Variants in RAB5A observed in about 807,000 individuals in gnomAD.
RAB5A encodes the protein RAB5A, member RAS oncogene family.
In RAB5A, 8 loss-of-function variants were observed where a neutral mutation model predicts 25.7. The observed-to-expected ratio is 0.31, with a 90% CI of 0.18 to 0.56. The LOEUF is 0.56. RAB5A is among the 20% of genes least tolerant of loss of function. RAB5A has a pLI of 0.91. For missense variants in RAB5A, 192 were observed against 259.7 expected (o/e 0.74, Z 1.79); for synonymous variants, 98 against 89.8 (o/e 1.09, Z -0.52).
intron 2 of RAB5A, among the ~76,000 whole-genome samples, chr3:19,973,358 AC>A (rs1696778451): frequency 6.7e-6 from 1 of 150,250 alleles, no homozygotes; most frequent in Non-Finnish European, 1.5e-5. Context: ...GAAAAATGAA[AC>A]AGTCTGTGCA....
chr3:19,984,173 G>GGAAA lies in RAB5A; in HGVS notation c.*350_*351insGAAA. 1 of 394,912 alleles carries GGAAA rather than the reference G, an allele frequency of 2.5e-6. No individual in the cohort carries two copies. Among genetic ancestry groups the GGAAA allele is most frequent in the African/African-American group, 2.2e-5 (1 of 45,820 alleles). 24.5% of individuals were successfully genotyped at this position (394,912 alleles called of 1,614,324 possible). On this transcript the variant is annotated 3_prime_UTR_variant, in exon 6 of 6. Transcript: ENST00000273047. ...CCACACTGGTACAGTAGTCACCTGT[G>GGAAA]AAAAAAAAATTGGAACTTACTAATT...
At position 19,984,569 on chromosome 3, in the gene RAB5A, T is replaced by G. The variant is rs540230533; in HGVS notation, c.*746T>G. 5 of 179,402 alleles carry G rather than the reference T, an allele frequency of 2.8e-5. No homozygotes were observed. The highest frequency in any genetic ancestry group is 9.6e-5 in the African/African-American group (4 of 41,702). 11.1% of individuals were successfully genotyped at this position (179,402 alleles called of 1,614,324 possible). A position where few individuals can be genotyped will look rare whatever the true frequency, so the allele number is the denominator to read the frequency against. ...TAAACCAGGTGTCTGTGATTTCTAA[T>G]TAATCACCGCTGGCCATTACACAGG... On this transcript the variant is annotated 3_prime_UTR_variant, in exon 6 of 6. Coordinates refer to ENST00000273047, the MANE Select transcript of RAB5A (RefSeq NM_004162.5).
intron 2 of RAB5A, among the ~76,000 whole-genome samples, chr3:19,971,933 T>G (rs1696758125): frequency 6.6e-6 from 1 of 151,882 alleles, no homozygotes; most frequent in Non-Finnish European, 1.5e-5. Flanking sequence ...TGGTTCCATG[T>G]ATCTTTTTGA....
rs775254396 is a variant in RAB5A, at chr3:19,983,866, A to G, written c.*43A>G. ...GCTGGAATAGTCTTCTGCTTCCTAA[A>G]TGTTAATAACAATGGAATTGGAGCA... On this transcript the variant is annotated 3_prime_UTR_variant, in exon 6 of 6. Coordinates refer to ENST00000273047, the MANE Select transcript of RAB5A (RefSeq NM_004162.5). 1 of 1,325,522 alleles carries G rather than the reference A, an allele frequency of 7.5e-7. No individual in the cohort carries two copies. The allele number at this position is 1,325,522 out of a possible 1,614,324, so 82.1% of individuals were successfully genotyped here.
chr3:19,976,106 C>G lies in RAB5A; in HGVS notation c.375C>G (p.Asn125Lys), dbSNP rs140005569. 394 of 1,613,172 alleles carry G rather than the reference C, an allele frequency of 2.4e-4. No homozygotes were observed. The highest frequency in any genetic ancestry group is 3.2e-4 in the Non-Finnish European group (382 of 1,179,690). The change falls in exon 4 of 6, where the codon AAC becomes AAG. Residue 125 changes from asparagine (N) to lysine (K), a missense_variant. Transcript: ENST00000273047. ...AACTTCAGAGGCAAGCAAGTCCTAACATTGTAATAGCTTTATCGGGAAACA... is the reference window on the plus strand; with the variant it reads ...AACTTCAGAGGCAAGCAAGTCCTAAGATTGTAATAGCTTTATCGGGAAACA... ...VKELQRQASP[N>K]IVIALSGNKA...
At chr3:19,952,354 A>G (rs1436374720) in intron 2 of RAB5A, among the ~76,000 whole-genome samples, 3 of 152,198 alleles carry the variant, frequency 2.0e-5, no homozygotes, top group African/African-American at 7.2e-5. Flanking sequence ...TAATTAAGCA[A>G]TGCTGTTTTC....
At chr3:19,960,708 G>T (rs1696572580) in intron 2 of RAB5A, among the ~76,000 whole-genome samples, 1 of 152,216 alleles carries the variant, frequency 6.6e-6, no homozygotes, top group African/African-American at 2.4e-5. Flanking sequence ...GAAGTCATAT[G>T]TTGGACTTTG....
intron 2 of RAB5A, among the ~76,000 whole-genome samples, chr3:19,959,446 A>T (rs1004255969): frequency 1.9e-4 from 28 of 150,334 alleles, no homozygotes; most frequent in Admixed American, 1.6e-3. Flanking sequence ...GTACTAATTT[A>T]TATATATATA....
In RAB5A at chr3:19,968,103, AT is replaced by A. The variant is rs142509602; in HGVS notation, c.164-7489del. ...CTGATTCTAACAATCTCTAACTTGAATTTTTTTTTATCACAAAGCCTCATTC... is the reference window on the plus strand; with the variant it reads ...CTGATTCTAACAATCTCTAACTTGAATTTTTTTTATCACAAAGCCTCATTC... On this transcript the variant is annotated intron_variant, in intron 2 of 5. Coordinates refer to ENST00000273047, the MANE Select transcript of RAB5A (RefSeq NM_004162.5). 4.0e-5 allele frequency among the ~76,000 whole-genome samples: 6 copies of A among 151,746 alleles called. No homozygotes were observed. In the East Asian group the frequency reaches 5.8e-4, roughly 15 times the overall value.
At position 19,947,282 on chromosome 3, in the gene RAB5A, C is replaced by CGGCGGCGGCGGCGGCGGA. The variant is rs1696319630; in HGVS notation, c.-328_-327insCGGCGGCGGCGGAGGCGG. 2 of 199,570 alleles carry CGGCGGCGGCGGCGGCGGA rather than the reference C, an allele frequency of 1.0e-5. No individual in the cohort carries two copies. The highest frequency in any genetic ancestry group is 2.0e-5 in the Non-Finnish European group (2 of 102,348). 12.4% of individuals were successfully genotyped at this position (199,570 alleles called of 1,614,324 possible). ...ACTCCAGCGCCGGCGGCGGCGGCGG[C>CGGCGGCGGCGGCGGCGGA]GGCGGAGGAGGAGAAAGGAAAGAGG... is the stretch of plus-strand genomic sequence containing the variant. On this transcript the variant is annotated 5_prime_UTR_variant, in exon 1 of 6. Transcript: ENST00000273047.
At chr3:19,978,446 C>A in intron 5 of RAB5A, 43 bp downstream of exon 5, 1 of 1,423,720 alleles carries the variant, frequency 7.0e-7, no homozygotes, top group Non-Finnish European at 9.8e-7. Context: ...ATAAGCAAAA[C>A]AAGTGTGAAG....
At chr3:19,981,266 TCTTAA>T (rs746510815) in intron 5 of RAB5A, among the ~76,000 whole-genome samples, 5 of 152,276 alleles carry the variant, frequency 3.3e-5, no homozygotes, top group South Asian at 2.1e-4. Flanking sequence ...TTTAGTACAT[TCTTAA>T]CTTACTACGG....
At chr3:19,973,125 C>T (rs566582015) in intron 2 of RAB5A, among the ~76,000 whole-genome samples, 3 of 152,276 alleles carry the variant, frequency 2.0e-5, no homozygotes, top group East Asian at 1.9e-4. Context: ...AGGTTATATA[C>T]ACATACTTTG....
chr3:19,951,315 T>C (rs1313954212), intron 2 of RAB5A: 2 of 354,338 alleles, frequency 5.6e-6, no homozygotes, highest in African/African-American at 2.1e-5. Context: ...GTAGAATCAG[T>C]GTCTCAAGTA....
intron 2 of RAB5A, among the ~76,000 whole-genome samples, chr3:19,968,212 C>A (rs1696687448): frequency 6.6e-6 from 1 of 151,976 alleles, no homozygotes; most frequent in Non-Finnish European, 1.5e-5. Flanking sequence ...AATTTAATTG[C>A]TACTTAATAC....
At chr3:19,977,115 A>G (rs1696835945) in intron 4 of RAB5A, among the ~76,000 whole-genome samples, 4 of 150,518 alleles carry the variant, frequency 2.7e-5, no homozygotes, top group Admixed American at 1.3e-4. Flanking sequence ...TCAGTTGCCC[A>G]GGCTGGAGTG....
At chr3:19,971,832 A>G (rs796633352) in intron 2 of RAB5A, among the ~76,000 whole-genome samples, 61 of 152,214 alleles carry the variant, frequency 4.0e-4, no homozygotes, top group African/African-American at 1.3e-3. Context: ...TTGTGTTACA[A>G]CTTGAGTAGA....
chr3:19,972,541 C>T (rs1174356343), intron 2 of RAB5A, among the ~76,000 whole-genome samples: 1 of 152,078 alleles, frequency 6.6e-6, no homozygotes, highest in African/African-American at 2.4e-5. Flanking sequence ...GGGATCCATT[C>T]CTGTTCAGCA....
chr3:19,948,086 C>A (rs975239507), intron 1 of RAB5A, among the ~76,000 whole-genome samples: 2 of 152,118 alleles, frequency 1.3e-5, no homozygotes, highest in Middle Eastern at 3.2e-3. Context: ...GACTTGTTTT[C>A]TGTTTGGAAG....
Sources: gnomAD v4.1 joint callset for allele counts (sites outside exome capture counted in the v4.1 genomes callset) on GRCh38, gnomAD v4.1.1 for gene constraint, MANE v1.5 for transcripts, NCBI Gene and HGNC (gene_info 2026-07-23, HGNC 2026-07-21) for gene names.